The following PIWIL2 variants were observed in gnomAD, a reference collection of about 807,000 sequenced individuals.
PIWIL2 encodes the protein piwi-like protein 2.
Under a neutral mutation model 116.5 loss-of-function variants are expected in PIWIL2, and 81 were observed. The ratio of observed to expected loss-of-function variants is 0.70; its 90% CI spans 0.58 to 0.84. The LOEUF (loss-of-function observed/expected upper bound fraction) is 0.84, where lower values mean the gene tolerates loss of function less well. Among genes scored for constraint, PIWIL2 ranks in the 40% least tolerant of loss-of-function variants. PIWIL2 has a pLI of 0.00. For missense variants in PIWIL2, 1,272 were observed against 1,212.3 expected, an observed-to-expected ratio of 1.05 and a Z score of -0.73; for synonymous variants, 489 against 429.5, an observed-to-expected ratio of 1.14 and a Z score of -1.71.
At chr8:22,344,322 A>G (rs2132101174) in intron 20 of PIWIL2, among the ~76,000 whole-genome samples, 1 of 152,352 alleles carries the variant, frequency 6.6e-6, no homozygotes, top group African/African-American at 2.4e-5. Flanking sequence ...ACAAATATGT[A>G]AACTGTGGAG....
intron 14 of PIWIL2, 79 bp downstream of exon 14, chr8:22,308,152 C>T: frequency 1.8e-6 from 2 of 1,130,478 alleles, no homozygotes; most frequent in Admixed American, 4.6e-5. Flanking sequence ...CTTTTGTTGT[C>T]AGTATATTTT....
chr8:22,337,714 GAGC>G (rs1449843197), intron 20 of PIWIL2, among the ~76,000 whole-genome samples: 1 of 151,560 alleles, frequency 6.6e-6, no homozygotes, highest in East Asian at 1.9e-4. Flanking sequence ...TGGGCAATAA[GAGC>G]AAAACTCTGT....
intron 20 of PIWIL2, among the ~76,000 whole-genome samples, chr8:22,338,618 G>T (rs1017891744): frequency 1.1e-4 from 17 of 152,078 alleles, no homozygotes; most frequent in Non-Finnish European, 1.5e-5. Flanking sequence ...CTTGAACCCA[G>T]GAGGCAGAGG....
At chr8:22,304,231 T>A in intron 11 of PIWIL2, 22 bp downstream of exon 11, 1 of 1,578,726 alleles carries the variant, frequency 6.3e-7, no homozygotes, top group Admixed American at 1.7e-5. Context: ...AGACTGGGTT[T>A]GGGCCTCAGG....
chr8:22,347,307 C>T (rs1832250514), intron 20 of PIWIL2, among the ~76,000 whole-genome samples: 2 of 151,614 alleles, frequency 1.3e-5, no homozygotes, highest in African/African-American at 2.4e-5. Flanking sequence ...CTCCCCTTCC[C>T]GGGCTCACGC....
In PIWIL2 at chr8:22,354,320, C is replaced by T; in HGVS notation, c.2707C>T (p.Pro903Ser). The change falls in exon 22 of 23, where the codon CCT becomes TCT. Residue 903 changes from proline to serine, a missense_variant. Transcript: ENST00000356766. ...TCATGTACGGCAGGGCTGTGGCATTCCTACGCATTATGTCTGTGTTCTCAA... is the reference window on the plus strand; with the variant it reads ...TCATGTACGGCAGGGCTGTGGCATTTCTACGCATTATGTCTGTGTTCTCAA... The part of the protein sequence containing the change: ...AHHVRQGCGI[P>S]THYVCVLNTA... 3 of 1,613,756 alleles carry T rather than the reference C, an allele frequency of 1.9e-6. No homozygotes were observed. The highest frequency in any genetic ancestry group is 2.5e-6 in the Non-Finnish European group (3 of 1,179,732).
intron 1 of PIWIL2, among the ~76,000 whole-genome samples, chr8:22,277,154 G>A (rs1830396605): frequency 1.3e-5 from 2 of 151,922 alleles, no homozygotes; most frequent in Non-Finnish European, 2.9e-5. Flanking sequence ...CCTGAGGAGG[G>A]GGGATTACAG....
At position 22,317,391 on chromosome 8, in the gene PIWIL2, AACAC is replaced by A. The variant is rs145205763; in HGVS notation, c.2298-767_2298-764del. Among the ~76,000 whole-genome samples, 6 of 151,884 alleles carry A rather than the reference AACAC, an allele frequency of 4.0e-5. No homozygotes were observed. In the East Asian group the frequency reaches 1.2e-3, roughly 29 times the overall value. On this transcript the variant is annotated intron_variant, in intron 19 of 22. Coordinates refer to ENST00000356766, the MANE Select transcript of PIWIL2 (RefSeq NM_018068.5). ...ACATACATGTGATATATATCTCTGAAACACACACACACACATATATATATTTGTA... is the reference window on the plus strand; with the variant it reads ...ACATACATGTGATATATATCTCTGAAACACACACACATATATATATTTGTA...
chr8:22,320,899 G>T (rs1362339180), intron 20 of PIWIL2, among the ~76,000 whole-genome samples: 5 of 152,062 alleles, frequency 3.3e-5, no homozygotes, highest in Non-Finnish European at 5.9e-5. Flanking sequence ...AGCCACTGTG[G>T]CTATTTTGTA....
chr8:22,331,368 T>G (rs1831858624), intron 20 of PIWIL2, among the ~76,000 whole-genome samples: 1 of 151,894 alleles, frequency 6.6e-6, no homozygotes, highest in Admixed American at 6.6e-5. Flanking sequence ...TCTATTTTTT[T>G]TTGTTTTCTA....
intron 2 of PIWIL2, among the ~76,000 whole-genome samples, chr8:22,280,126 C>T (rs965055885): frequency 6.6e-6 from 1 of 152,116 alleles, no homozygotes; most frequent in Non-Finnish European, 1.5e-5. Flanking sequence ...TGGTAAGTAC[C>T]ATAGGTCCTC....
intron 20 of PIWIL2, among the ~76,000 whole-genome samples, chr8:22,325,307 A>G (rs554063895): frequency 6.6e-6 from 1 of 152,218 alleles, no homozygotes; most frequent in South Asian, 2.1e-4. Flanking sequence ...CACACTCCTG[A>G]AAGTGTGTAA....
chr8:22,283,208 C>T lies in PIWIL2; in HGVS notation c.600C>T (p.Arg200=). The T allele has an allele frequency of 1.2e-6, 2 of 1,614,126 alleles. No homozygotes were observed. Among genetic ancestry groups the T allele is most frequent in the Non-Finnish European group, 1.7e-6 (2 of 1,180,022 alleles). The change falls in exon 5 of 23, where the codon CGC becomes CGT. Residue 200 remains arginine, a synonymous_variant. Transcript: ENST00000356766. ...AGTCTCCCCTGCACTCTCCAGATCG[C>T]CCTCTGGTCCTGACTGTGGAACACA... is the stretch of plus-strand genomic sequence containing the variant. ...LPQSPLHSPD[R]PLVLTVEHKE...
chr8:22,307,792 A>G (rs1831222957), intron 13 of PIWIL2, 141 bp from the exon 14 acceptor site: 2 of 618,156 alleles, frequency 3.2e-6, no homozygotes, highest in African/African-American at 1.8e-5. Context: ...TAAGAGATAT[A>G]TTTAATAAGT....
chr8:22,291,882 G>T (rs1021972866), intron 10 of PIWIL2, among the ~76,000 whole-genome samples: 2 of 152,160 alleles, frequency 1.3e-5, no homozygotes, highest in Admixed American at 6.5e-5. Flanking sequence ...ATTGTATAGT[G>T]TAATAAAAGC....
At chr8:22,345,844 T>TA (rs755819970) in intron 20 of PIWIL2, among the ~76,000 whole-genome samples, 2 of 152,240 alleles carry the variant, frequency 1.3e-5, no homozygotes, top group African/African-American at 4.8e-5. Flanking sequence ...TATTTAAACA[T>TA]AAAAAAGTTT....
At chr8:22,309,934 G>A (rs1388067632) in intron 14 of PIWIL2, 27 bp from the exon 15 acceptor site, 2 of 1,366,602 alleles carry the variant, frequency 1.5e-6, no homozygotes, top group Non-Finnish European at 2.1e-6. Flanking sequence ...AAAGGCTCAT[G>A]TCATAGATGG....
intron 20 of PIWIL2, among the ~76,000 whole-genome samples, chr8:22,339,185 TG>T (rs918729485): frequency 1.3e-5 from 2 of 152,142 alleles, no homozygotes; most frequent in African/African-American, 4.8e-5. Flanking sequence ...TAACTCCAAA[TG>T]GATCAAAGAC....
intron 4 of PIWIL2, among the ~76,000 whole-genome samples, chr8:22,282,244 C>CT (rs34130038): frequency 0.098 from 3,274 of 33,576 alleles, 1,144 homozygotes; most frequent in Non-Finnish European, 0.15. Context: ...CCACACCCGG[C>CT]TTTTTTTTTT....
Sources: allele counts gnomAD v4.1 joint callset (sites outside exome capture counted in the v4.1 genomes callset), GRCh38; gene constraint gnomAD v4.1.1; transcripts MANE v1.5; gene names NCBI Gene and HGNC (gene_info 2026-07-23, HGNC 2026-07-21).